Variants in ERBIN observed in about 807,000 individuals in gnomAD.
ERBIN encodes erbb2 interacting protein.
In ERBIN, 60 loss-of-function variants were observed where a neutral mutation model predicts 158.4. The ratio of observed to expected loss-of-function variants is 0.38; its 90% CI spans 0.31 to 0.47. The LOEUF (loss-of-function observed/expected upper bound fraction) is 0.47, where lower values mean the gene tolerates loss of function less well. Ranked by LOEUF, ERBIN falls within the 20% of genes least tolerant of loss-of-function variation. ERBIN has a pLI of 0.99. For missense variants in ERBIN, 1,610 were observed against 1,648.0 expected (o/e 0.98, Z 0.40); for synonymous variants, 594 against 557.2 (o/e 1.07, Z -0.93).
chr5:66,052,114 T>C (rs1363148263), intron 20 of ERBIN, among the ~76,000 whole-genome samples: 2 of 151,868 alleles, frequency 1.3e-5, no homozygotes, highest in East Asian at 3.9e-4. Context: ...GGAGGTTAAC[T>C]TGAGCTTGCG....
intron 1 of ERBIN, among the ~76,000 whole-genome samples, chr5:65,946,366 AAATG>A (rs199983927): frequency 1.6e-4 from 25 of 152,102 alleles, no homozygotes; most frequent in South Asian, 1.0e-3. Flanking sequence ...TCAGTCTCAT[AAATG>A]AATGAATGAA....
At chr5:66,077,772 A>ACG (rs1762124501) in intron 25 of ERBIN, among the ~76,000 whole-genome samples, 1 of 126,062 alleles carries the variant, frequency 7.9e-6, no homozygotes, top group Non-Finnish European at 1.7e-5. Flanking sequence ...ACACACACAC[A>ACG]CACACACACA....
chr5:66,064,038 T>G (rs1223848110), intron 21 of ERBIN, among the ~76,000 whole-genome samples: 2 of 152,246 alleles, frequency 1.3e-5, no homozygotes, highest in African/African-American at 4.8e-5. Context: ...GTTAATGTAC[T>G]GCTAGTAATT....
rs1754261829 is a variant in ERBIN at position 66,012,033 on chromosome 5, GTTGT to G, written c.308-9_308-6del. On this transcript the variant is annotated splice_polypyrimidine_tract_variant and intron_variant, in intron 4 of 25. Transcript: ENST00000284037. The stretch of plus-strand genomic sequence containing the variant: ...TTGTAATAGATCTTTTAATTTGATC[GTTGT>G]TTGTTTTCTAGGAATACAGGAGTTT... 2 of 1,503,324 alleles carry G rather than the reference GTTGT, an allele frequency of 1.3e-6. No homozygotes were observed. Among genetic ancestry groups the G allele is most frequent in the Non-Finnish European group, 1.8e-6 (2 of 1,093,928 alleles). 93.1% of individuals were successfully genotyped at this position (1,503,324 alleles called of 1,614,324 possible).
rs1353228484 is a variant in ERBIN at position 65,931,992 on chromosome 5, A to AT, written c.-58+5192dup. On this transcript the variant is annotated intron_variant, in intron 1 of 25. Transcript: ENST00000284037. ...CGCCACCATGTCCAGCTAATTTTGT[A>AT]TTTTTTGTAGAGACAGGGTTTCTCC... Among the ~76,000 whole-genome samples, 6 of 151,590 alleles carry AT rather than the reference A, an allele frequency of 4.0e-5. No homozygotes were observed. The East Asian group carries it at 9.7e-4, about 25-fold the overall frequency.
intron 4 of ERBIN, among the ~76,000 whole-genome samples, chr5:66,001,005 G>A (rs1752966396): frequency 6.6e-6 from 1 of 151,824 alleles, no homozygotes; most frequent in African/African-American, 2.4e-5. Flanking sequence ...GGTCTATTGT[G>A]TTGAAAAAAA....
chr5:65,977,499 C>T lies in ERBIN; in HGVS notation c.-57-11136C>T, dbSNP rs1304534988. ...CTCAGACGGGGCGGCCGGGCAGAGA[C>T]GCTCCTCACATCCCGGACGGGGCGG... On this transcript the variant is annotated intron_variant, in intron 1 of 25. Coordinates refer to ENST00000284037, the MANE Select transcript of ERBIN (RefSeq NM_001253697.2). 3.3e-5 allele frequency among the ~76,000 whole-genome samples: 5 copies of T among 150,240 alleles called. 1 individual carries two copies. Among genetic ancestry groups the T allele is most frequent in the Admixed American group, 1.3e-4 (2 of 15,134 alleles).
At chr5:65,932,067 C>T (rs1743483337) in intron 1 of ERBIN, among the ~76,000 whole-genome samples, 1 of 152,052 alleles carries the variant, frequency 6.6e-6, no homozygotes, top group African/African-American at 2.4e-5. Flanking sequence ...ATCTGCCCGC[C>T]TCGGCCTCCC....
At chr5:65,952,192 CT>C (rs201636274) in intron 1 of ERBIN, among the ~76,000 whole-genome samples, 21 of 151,228 alleles carry the variant, frequency 1.4e-4, no homozygotes, top group East Asian at 3.9e-4. Flanking sequence ...GAATCATTAG[CT>C]TTTTTTTTCC....
chr5:66,065,619 G>C (rs1350105919), intron 21 of ERBIN, among the ~76,000 whole-genome samples: 1 of 136,512 alleles, frequency 7.3e-6, no homozygotes, highest in Middle Eastern at 3.3e-3. Context: ...GTGTGTGTGT[G>C]TGTGTGTGTG....
chr5:66,024,835 C>G (rs1756063147), intron 10 of ERBIN, among the ~76,000 whole-genome samples: 1 of 152,004 alleles, frequency 6.6e-6, no homozygotes, highest in East Asian at 1.9e-4. Flanking sequence ...ATGATTGAGT[C>G]TGTGTAGTTG....
intron 1 of ERBIN, among the ~76,000 whole-genome samples, chr5:65,932,574 T>A (rs1263612462): frequency 6.6e-6 from 1 of 152,222 alleles, no homozygotes; most frequent in East Asian, 1.9e-4. Context: ...GACTGTGGAC[T>A]TCCAGGGCCT....
At chr5:66,034,045 G>A (rs1757146014) in intron 14 of ERBIN, among the ~76,000 whole-genome samples, 2 of 150,540 alleles carry the variant, frequency 1.3e-5, no homozygotes, top group African/African-American at 4.9e-5. Context: ...GGAGGCGGAC[G>A]TTGCAGTGAG....
At chr5:66,050,732 C>A in intron 19 of ERBIN, 51 bp from the exon 20 acceptor site, 2 of 1,217,890 alleles carry the variant, frequency 1.6e-6, no homozygotes, top group Non-Finnish European at 2.3e-6. Context: ...AAAAGAATTT[C>A]ACACAATTCT....
chr5:65,963,792 C>CTTTTTTTT (rs5868429), intron 1 of ERBIN, among the ~76,000 whole-genome samples: 1 of 122,976 alleles, frequency 8.1e-6, no homozygotes. Flanking sequence ...TCTTTCTTTT[C>CTTTTTTTT]TTTTTTTTTT....
chr5:66,048,471 G>A (rs184679182), intron 18 of ERBIN, among the ~76,000 whole-genome samples, 196 bp from the exon 19 acceptor site: 22 of 152,042 alleles, frequency 1.4e-4, no homozygotes, highest in African/African-American at 5.1e-4. Context: ...TAGGATAATG[G>A]TGCCATGAAA....
At chr5:66,060,684 T>A (rs1707345824) in intron 21 of ERBIN, among the ~76,000 whole-genome samples, 1 of 152,222 alleles carries the variant, frequency 6.6e-6, no homozygotes, top group African/African-American at 2.4e-5. Flanking sequence ...TTTAGTGCTA[T>A]AAATTTCCTT....
chr5:65,968,476 A>T (rs561333417), intron 1 of ERBIN, among the ~76,000 whole-genome samples: 15 of 152,334 alleles, frequency 9.8e-5, no homozygotes, highest in African/African-American at 3.6e-4. Context: ...ATCACTATCA[A>T]ACTAGTTACA....
chr5:66,010,494 T>TA (rs1754091670), intron 4 of ERBIN, among the ~76,000 whole-genome samples: 1 of 152,200 alleles, frequency 6.6e-6, no homozygotes, highest in South Asian at 2.1e-4. Context: ...TCTCTATTAA[T>TA]ACCCTGTTTT....
Sources: gnomAD v4.1 joint callset for allele counts (sites outside exome capture counted in the v4.1 genomes callset) on GRCh38, gnomAD v4.1.1 for gene constraint, MANE v1.5 for transcripts, NCBI Gene and HGNC (gene_info 2026-07-23, HGNC 2026-07-21) for gene names.